GPC5: variants seen among roughly 807,000 people sequenced by gnomAD.
The protein encoded by GPC5 is glypican-5.
A neutral mutation model predicts 53.9 loss-of-function variants in GPC5; 47 were observed. That is an observed-to-expected ratio of 0.87 (90% CI 0.69 to 1.11). GPC5 has a LOEUF of 1.11. GPC5 is among the 50% of genes most tolerant of loss of function. The pLI, the probability that GPC5 is intolerant of heterozygous loss-of-function variation, is 0.00. For missense variants in GPC5, 748 were observed against 713.1 expected, an observed-to-expected ratio of 1.05 and a Z score of -0.56; for synonymous variants, 286 against 263.3, an observed-to-expected ratio of 1.09 and a Z score of -0.84.
Position 91,693,241 on chromosome 13 carries a change from G to C in GPC5, c.380G>C (p.Cys127Ser). The change falls in exon 3 of 8, where the codon TGC (cysteine) becomes TCC (serine). Residue 127 changes from cysteine (C) to serine (S), a missense_variant. Cys to Ser is a moderately radical substitution (Grantham distance 112). Transcript: ENST00000377067. ...QAENYTSILF[C>S]STYRNMALEA... ...GAAAATTACACCAGTATACTTTTTT[G>C]CAGTACCTACAGGAACATGGCCTTG... The C allele has an allele frequency of 1.2e-6, 2 of 1,611,004 alleles. No homozygotes were observed. The highest frequency in any genetic ancestry group is 1.7e-6 in the Non-Finnish European group (2 of 1,179,260).
chr13:91,601,732 T>C (rs2033188363), intron 2 of GPC5, among the ~76,000 whole-genome samples: 1 of 152,234 alleles, frequency 6.6e-6, no homozygotes, highest in African/African-American at 2.4e-5. Context: ...GACTGTCTAG[T>C]TGCAGGAAAA....
At chr13:91,412,805 A>G (rs1329917202) in intron 1 of GPC5, among the ~76,000 whole-genome samples, 3 of 152,234 alleles carry the variant, frequency 2.0e-5, no homozygotes, top group Non-Finnish European at 4.4e-5. Context: ...GTATGAATCA[A>G]AGTTTAAATG....
At chr13:91,578,334 T>C (rs572690551) in intron 2 of GPC5, among the ~76,000 whole-genome samples, 16 of 152,342 alleles carry the variant, frequency 1.1e-4, no homozygotes, top group Non-Finnish European at 2.1e-4. Context: ...AGATAATATA[T>C]ATTCATTGCT....
intron 2 of GPC5, among the ~76,000 whole-genome samples, chr13:91,660,501 T>G (rs114499409): frequency 0.019 from 2,882 of 152,280 alleles, 85 homozygotes; most frequent in African/African-American, 0.066. Flanking sequence ...GAACATAACC[T>G]TGTAGAAGAT....
At chr13:92,513,831 G>A (rs75423663) in intron 7 of GPC5, among the ~76,000 whole-genome samples, 2,275 of 152,116 alleles carry the variant, frequency 0.015, 62 homozygotes, top group African/African-American at 0.052. Context: ...TAGTAATTTT[G>A]TTCACAAAAC....
At chr13:92,708,788 T>C (rs549317954) in intron 7 of GPC5, among the ~76,000 whole-genome samples, 1 of 150,322 alleles carries the variant, frequency 6.7e-6, no homozygotes, top group South Asian at 2.1e-4. Flanking sequence ...CTATAAAATA[T>C]GTTACAATTA....
intron 2 of GPC5, among the ~76,000 whole-genome samples, chr13:91,478,795 TTATATATATA>T (rs757436599): frequency 1.8e-5 from 1 of 55,368 alleles, no homozygotes; most frequent in African/African-American, 7.0e-5. Context: ...CCATTTGAGT[TTATATATATA>T]TATATATATA....
In GPC5 at chr13:92,606,239, C is replaced by T. The variant is rs563450900; in HGVS notation, c.1562-260043C>T. Among the ~76,000 whole-genome samples the T allele has an allele frequency of 1.8e-4, 27 of 152,168 alleles. 1 individual carries two copies. The highest frequency in any genetic ancestry group is 6.3e-4 in the African/African-American group (26 of 41,518). ...TCTCCTAATGCTACCCCTTTCCCTT[C>T]CCCCAACTCCACGACAGGCCCCGGT... On this transcript the variant is annotated intron_variant, in intron 7 of 7. Transcript: ENST00000377067.
At chr13:92,439,236 G>T (rs1446586855) in intron 7 of GPC5, among the ~76,000 whole-genome samples, 1 of 152,154 alleles carries the variant, frequency 6.6e-6, no homozygotes, top group Non-Finnish European at 1.5e-5. Flanking sequence ...CCAGGCAATT[G>T]CAGTTATGCA....
At chr13:92,282,066 CT>C (rs1299706876) in intron 7 of GPC5, among the ~76,000 whole-genome samples, 3 of 152,124 alleles carry the variant, frequency 2.0e-5, no homozygotes, top group Admixed American at 2.0e-4. Context: ...CCTGATGGAG[CT>C]GAAAACCATG....
chr13:91,493,002 C>A (rs77813289), intron 2 of GPC5, among the ~76,000 whole-genome samples: 4,923 of 152,174 alleles, frequency 0.032, 249 homozygotes, highest in African/African-American at 0.11. Context: ...TGATTCCTAC[C>A]ATCTCTTCAC....
chr13:92,526,404 G>C (rs1450813410), intron 7 of GPC5, among the ~76,000 whole-genome samples: 3 of 151,968 alleles, frequency 2.0e-5, no homozygotes, highest in Non-Finnish European at 2.9e-5. Flanking sequence ...ACTCCAAAAG[G>C]AATTTTGACA....
intron 7 of GPC5, among the ~76,000 whole-genome samples, chr13:92,800,431 GC>G: frequency 6.6e-6 from 1 of 151,964 alleles, no homozygotes; most frequent in South Asian, 2.1e-4. Context: ...GTGAGATGAA[GC>G]ATGTCCCAGC....
At position 91,571,788 on chromosome 13, in the gene GPC5, CGT is replaced by C. The variant is rs1264050797; in HGVS notation, c.326-121392_326-121391del. 6.4e-5 allele frequency among the ~76,000 whole-genome samples: 8 copies of C among 125,794 alleles called. 1 individual carries two copies. The highest frequency in any genetic ancestry group is 9.7e-5 in the Non-Finnish European group (6 of 62,008). The allele number at this position is 125,794 out of a possible 152,430, so 82.5% of individuals were successfully genotyped here. ...GTATGTGTATATACACACACATATA[CGT>C]GTGTGTATATATACACACACATACG... On this transcript the variant is annotated intron_variant, in intron 2 of 7. Transcript: ENST00000377067.
chr13:92,464,338 T>C (rs1221689887), intron 7 of GPC5, among the ~76,000 whole-genome samples: 2 of 152,192 alleles, frequency 1.3e-5, no homozygotes, highest in African/African-American at 2.4e-5. Context: ...ATGTCTGCCA[T>C]GAACATTTCC....
chr13:91,925,659 T>C (rs1428176770), intron 6 of GPC5, among the ~76,000 whole-genome samples: 1 of 152,216 alleles, frequency 6.6e-6, no homozygotes, highest in Non-Finnish European at 1.5e-5. Context: ...TATTGAGGTC[T>C]TATTATGAAT....
intron 7 of GPC5, among the ~76,000 whole-genome samples, chr13:92,492,999 T>C (rs1214717369): frequency 6.6e-6 from 1 of 152,192 alleles, no homozygotes; most frequent in Non-Finnish European, 1.5e-5. Context: ...CTCTCACAAA[T>C]AAATGACAAT....
intron 2 of GPC5, among the ~76,000 whole-genome samples, chr13:91,468,623 G>A (rs139996320): frequency 6.6e-6 from 1 of 152,212 alleles, no homozygotes; most frequent in Non-Finnish European, 1.5e-5. Flanking sequence ...AACTAACTCT[G>A]CTTACAGCTT....
intron 7 of GPC5, among the ~76,000 whole-genome samples, chr13:92,418,620 A>G (rs1876425000): frequency 6.6e-6 from 1 of 152,176 alleles, no homozygotes; most frequent in African/African-American, 2.4e-5. Context: ...ATGCTCATAA[A>G]TTTTTGTCTT....
Sources: allele counts gnomAD v4.1 joint callset (sites outside exome capture counted in the v4.1 genomes callset), GRCh38; gene constraint gnomAD v4.1.1; transcripts MANE v1.5; gene names NCBI Gene and HGNC (gene_info 2026-07-23, HGNC 2026-07-21).